Variants in NRXN3 observed in about 807,000 individuals in gnomAD.
NRXN3 encodes neurexin 3.
NRXN3 carries 32 observed loss-of-function variants against 137.6 expected under a neutral mutation model. The observed-to-expected ratio is 0.23, with a 90% confidence interval of 0.18 to 0.31. The LOEUF (loss-of-function observed/expected upper bound fraction) is 0.31. NRXN3 is among the 10% of genes least tolerant of loss of function. NRXN3 has a pLI of 1.00. For synonymous variants in NRXN3, 798 were observed against 784.5 expected, an observed-to-expected ratio of 1.02 and a Z score of -0.29; for missense variants, 1,574 against 2,062.5, an observed-to-expected ratio of 0.76 and a Z score of 4.59.
chr14:79,831,352 G>A (rs2099322871), intron 20 of NRXN3, among the ~76,000 whole-genome samples: 1 of 152,194 alleles, frequency 6.6e-6, no homozygotes, highest in Non-Finnish European at 1.5e-5. Flanking sequence ...GAATGTTAAT[G>A]CAGAACTAGG....
intron 2 of NRXN3, among the ~76,000 whole-genome samples, chr14:78,276,966 C>G (rs2073691166): frequency 6.6e-6 from 1 of 152,216 alleles, no homozygotes; most frequent in South Asian, 2.1e-4. Context: ...TCCACCTCTT[C>G]TCTTCTTCCT....
intron 14 of NRXN3, among the ~76,000 whole-genome samples, chr14:78,983,864 A>AAAAAAAAAG (rs1466299870): frequency 1.4e-5 from 2 of 145,852 alleles, no homozygotes; most frequent in Admixed American, 6.8e-5. Flanking sequence ...TAAAAAAAAA[A>AAAAAAAAAG]AAAAAAAAGA....
intron 15 of NRXN3, among the ~76,000 whole-genome samples, chr14:79,073,182 C>T (rs369131000): frequency 2.0e-5 from 3 of 152,058 alleles, no homozygotes; most frequent in African/African-American, 2.4e-5. Flanking sequence ...CCACCGCGCC[C>T]GGCCCGTCTC....
intron 15 of NRXN3, among the ~76,000 whole-genome samples, chr14:79,401,134 G>A (rs965363831): frequency 6.6e-6 from 1 of 152,096 alleles, no homozygotes; most frequent in Non-Finnish European, 1.5e-5. Flanking sequence ...GATTATTACA[G>A]GCCAAATTTT....
intron 15 of NRXN3, among the ~76,000 whole-genome samples, chr14:79,227,222 G>A (rs532113824): frequency 1.7e-4 from 26 of 152,208 alleles, no homozygotes; most frequent in East Asian, 1.4e-3. Context: ...GGTACCTGGC[G>A]TTGTTCTAGA....
At chr14:78,546,569 C>T (rs1395634201) in intron 4 of NRXN3, among the ~76,000 whole-genome samples, 4 of 152,142 alleles carry the variant, frequency 2.6e-5, no homozygotes, top group Admixed American at 2.6e-4. Context: ...CCGTCCCCAC[C>T]TTTAAAAAGT....
intron 20 of NRXN3, among the ~76,000 whole-genome samples, chr14:79,807,300 A>G (rs2099211754): frequency 6.6e-6 from 1 of 151,954 alleles, no homozygotes; most frequent in Non-Finnish European, 1.5e-5. Flanking sequence ...AAATCTGTAG[A>G]TTTTAAGGCT....
intron 8 of NRXN3, among the ~76,000 whole-genome samples, chr14:78,784,849 A>G (rs2153037952): frequency 6.6e-6 from 1 of 152,250 alleles, no homozygotes; most frequent in South Asian, 2.1e-4. Context: ...GACTGAGAAC[A>G]TTTTAGACAA....
intron 20 of NRXN3, among the ~76,000 whole-genome samples, chr14:79,805,805 T>C (rs556011068): frequency 2.0e-5 from 3 of 152,248 alleles, no homozygotes; most frequent in Non-Finnish European, 4.4e-5. Context: ...AAATTAGTGC[T>C]GTACCATGCC....
intron 4 of NRXN3, among the ~76,000 whole-genome samples, chr14:78,552,134 G>C (rs1038838738): frequency 1.3e-5 from 2 of 152,174 alleles, no homozygotes; most frequent in African/African-American, 4.8e-5. Flanking sequence ...TCCTAAGTCT[G>C]TCACTTGCTA....
At chr14:79,193,538 A>G (rs2064709182) in intron 15 of NRXN3, among the ~76,000 whole-genome samples, 1 of 152,230 alleles carries the variant, frequency 6.6e-6, no homozygotes, top group South Asian at 2.1e-4. Context: ...TCAATTTTTA[A>G]TTTTGCAAAC....
chr14:79,439,880 A>C (rs960030193), intron 15 of NRXN3, among the ~76,000 whole-genome samples: 15 of 152,212 alleles, frequency 9.9e-5, no homozygotes, highest in Non-Finnish European at 2.2e-4. Flanking sequence ...TTATACATAA[A>C]CATCACATGG....
chr14:79,506,702 T>C (rs1337642648), intron 16 of NRXN3, among the ~76,000 whole-genome samples: 5 of 152,192 alleles, frequency 3.3e-5, no homozygotes. Flanking sequence ...TTTGACATTT[T>C]CCCTTCTAGC....
At chr14:79,487,367 T>C (rs1236719646) in intron 16 of NRXN3, among the ~76,000 whole-genome samples, 1 of 152,108 alleles carries the variant, frequency 6.6e-6, no homozygotes, top group Admixed American at 6.5e-5. Flanking sequence ...TGCTACATGG[T>C]GAAAGGCATT....
At chr14:79,181,330 G>T (rs966163362) in intron 15 of NRXN3, among the ~76,000 whole-genome samples, 10 of 152,050 alleles carry the variant, frequency 6.6e-5, no homozygotes, top group Admixed American at 2.6e-4. Context: ...GAAACCTATG[G>T]TGGGGAGTAA....
rs78190421 is a variant in NRXN3 at position 78,296,512 on chromosome 14, C to T, written c.728-1319C>T. On this transcript the variant is annotated intron_variant, in intron 3 of 20. Coordinates refer to ENST00000335750, the MANE Select transcript of NRXN3 (RefSeq NM_001330195.2). The stretch of plus-strand genomic sequence containing the variant: ...CTCTCTTCTTACTATACCCTTCCCC[C>T]ACAAAAGACCCAAAATGAATTTTTT... 7.1e-3 allele frequency among the ~76,000 whole-genome samples: 1,086 copies of T among 152,258 alleles called. 6 individuals are homozygous for T. Among genetic ancestry groups the T allele is most frequent in the Middle Eastern group, 0.01 (3 of 294 alleles).
chr14:79,480,365 G>A (rs1286947756), intron 16 of NRXN3, among the ~76,000 whole-genome samples: 2 of 152,128 alleles, frequency 1.3e-5, no homozygotes, highest in South Asian at 2.1e-4. Context: ...ATACTAGAGC[G>A]TGAAAGAGGA....
chr14:78,309,819 T>A (rs984745231), intron 4 of NRXN3, among the ~76,000 whole-genome samples: 1 of 152,160 alleles, frequency 6.6e-6, no homozygotes, highest in Non-Finnish European at 1.5e-5. Context: ...CCAAAGCTAA[T>A]ATTATAAGGC....
At chr14:79,414,661 G>A (rs2095470856) in intron 15 of NRXN3, among the ~76,000 whole-genome samples, 1 of 152,032 alleles carries the variant, frequency 6.6e-6, no homozygotes, top group Non-Finnish European at 1.5e-5. Context: ...CCACAATCAA[G>A]CTAATTAACA....
Sources: gnomAD v4.1 joint callset for allele counts (sites outside exome capture counted in the v4.1 genomes callset) on GRCh38, gnomAD v4.1.1 for gene constraint, MANE v1.5 for transcripts, NCBI Gene and HGNC (gene_info 2026-07-23, HGNC 2026-07-21) for gene names.